The following SPAG16 variants were observed in gnomAD, a reference collection of about 807,000 sequenced individuals.
The protein encoded by SPAG16 is sperm associated antigen 16.
SPAG16 carries 86 observed loss-of-function variants against 80.4 expected under a neutral mutation model. The ratio of observed to expected loss-of-function variants is 1.07; its 90% CI spans 0.90 to 1.28. SPAG16 has a LOEUF of 1.28. Among genes scored for constraint, SPAG16 ranks in the 50% most tolerant of loss-of-function variants. The pLI is 0.00. For missense variants in SPAG16, 870 were observed against 765.3 expected, an observed-to-expected ratio of 1.14 and a Z score of -1.61; for synonymous variants, 294 against 265.9, an observed-to-expected ratio of 1.11 and a Z score of -1.03.
In SPAG16 at chr2:213,639,494, G is replaced by A. The variant is rs531229367; in HGVS notation, c.1070+149404G>A. On this transcript the variant is annotated intron_variant, in intron 10 of 15. Coordinates refer to ENST00000331683, the MANE Select transcript of SPAG16 (RefSeq NM_024532.5). ...GTGAAAAAGACTTTATCTCCCCTTC[G>A]TTTATGAAACTTAGTTTTGCTGGCA... Among the ~76,000 whole-genome samples, 7 of 152,050 alleles carry A rather than the reference G, an allele frequency of 4.6e-5. 1 individual carries two copies. The South Asian group carries it at 1.2e-3, about 27-fold the overall frequency.
chr2:213,824,443 T>G (rs2073144589), intron 10 of SPAG16, among the ~76,000 whole-genome samples: 1 of 152,228 alleles, frequency 6.6e-6, no homozygotes, highest in African/African-American at 2.4e-5. Context: ...TGGCCTAGTT[T>G]CATTGTTCTG....
At chr2:214,251,428 T>G (rs1690284501) in intron 15 of SPAG16, among the ~76,000 whole-genome samples, 1 of 152,116 alleles carries the variant, frequency 6.6e-6, no homozygotes, top group Non-Finnish European at 1.5e-5. Flanking sequence ...AAATGAATAT[T>G]TCTTAAAAAT....
At chr2:213,867,682 G>C (rs1055171118) in intron 11 of SPAG16, among the ~76,000 whole-genome samples, 4 of 151,948 alleles carry the variant, frequency 2.6e-5, no homozygotes, top group Non-Finnish European at 5.9e-5. Flanking sequence ...CAGCACTTTG[G>C]GAGGCCGAGG....
chr2:213,594,412 TCTTTATA>T (rs1559291289), intron 10 of SPAG16, among the ~76,000 whole-genome samples: 1 of 152,214 alleles, frequency 6.6e-6, no homozygotes, highest in East Asian at 1.9e-4. Context: ...TAATAGCTCC[TCTTTATA>T]CTTTAAGTTT....
chr2:213,590,924 T>C (rs922297044), intron 10 of SPAG16, among the ~76,000 whole-genome samples: 1 of 83,076 alleles, frequency 1.2e-5, no homozygotes, highest in Admixed American at 1.3e-4. Flanking sequence ...GATGGATTGG[T>C]TAAAGAAAAT....
At chr2:213,891,167 A>G (rs970275973) in intron 11 of SPAG16, among the ~76,000 whole-genome samples, 7 of 152,052 alleles carry the variant, frequency 4.6e-5, no homozygotes, top group African/African-American at 1.7e-4. Flanking sequence ...TCTGTCATTA[A>G]TGGGTCGCTA....
chr2:214,112,738 T>C (rs193015094), intron 14 of SPAG16, among the ~76,000 whole-genome samples: 1 of 151,504 alleles, frequency 6.6e-6, no homozygotes, highest in East Asian at 2.0e-4. Flanking sequence ...ATGGGTCTCC[T>C]GAATACAGCA....
chr2:213,713,350 T>A (rs2066090032), intron 10 of SPAG16, among the ~76,000 whole-genome samples: 1 of 152,112 alleles, frequency 6.6e-6, no homozygotes, highest in Non-Finnish European at 1.5e-5. Context: ...GGGAGAAGTC[T>A]TGAATAGGAC....
intron 10 of SPAG16, among the ~76,000 whole-genome samples, chr2:213,643,345 ATTTT>A (rs199696978): frequency 4.1e-4 from 19 of 46,150 alleles, no homozygotes; most frequent in Admixed American, 1.4e-3. Flanking sequence ...TTGGATCTTA[ATTTT>A]ATATATATAT....
At chr2:213,566,568 C>A (rs1173433145) in intron 10 of SPAG16, among the ~76,000 whole-genome samples, 3 of 152,136 alleles carry the variant, frequency 2.0e-5, no homozygotes, top group Non-Finnish European at 4.4e-5. Flanking sequence ...AAGTAAATTG[C>A]TATGCTTCAC....
At chr2:214,205,241 G>T (rs529764038) in intron 15 of SPAG16, among the ~76,000 whole-genome samples, 2 of 151,662 alleles carry the variant, frequency 1.3e-5, no homozygotes, top group African/African-American at 4.8e-5. Context: ...GAAAGAAGAA[G>T]AAGCTATATC....
At chr2:214,351,817 G>A (rs571098302) in intron 15 of SPAG16, among the ~76,000 whole-genome samples, 42 of 138,308 alleles carry the variant, frequency 3.0e-4, no homozygotes, top group African/African-American at 9.0e-4. Flanking sequence ...TACAATGAAC[G>A]TATATTCTAT....
At chr2:213,561,936 A>C (rs746991522) in intron 10 of SPAG16, among the ~76,000 whole-genome samples, 14 of 152,116 alleles carry the variant, frequency 9.2e-5, no homozygotes, top group Non-Finnish European at 1.9e-4. Context: ...TGTTTCTTGA[A>C]TTGCAGTTTA....
At chr2:214,214,436 C>T (rs1261013600) in intron 15 of SPAG16, among the ~76,000 whole-genome samples, 2 of 152,140 alleles carry the variant, frequency 1.3e-5, no homozygotes, top group East Asian at 3.9e-4. Flanking sequence ...TCCCAATATG[C>T]CCAGTCTTCC....
At chr2:214,137,239 A>T (rs2055103416) in intron 14 of SPAG16, among the ~76,000 whole-genome samples, 1 of 152,136 alleles carries the variant, frequency 6.6e-6, no homozygotes, top group Non-Finnish European at 1.5e-5. Flanking sequence ...GTGTATACAT[A>T]CAACATAGAC....
intron 11 of SPAG16, among the ~76,000 whole-genome samples, chr2:213,876,925 A>T (rs767722874): frequency 2.6e-4 from 39 of 152,216 alleles, no homozygotes; most frequent in Admixed American, 2.0e-4. Flanking sequence ...TTGGTCTTCA[A>T]CAATGTTAAA....
intron 10 of SPAG16, among the ~76,000 whole-genome samples, chr2:213,645,510 T>C (rs1438324950): frequency 1.3e-5 from 2 of 151,896 alleles, no homozygotes; most frequent in African/African-American, 2.4e-5. Context: ...AGGCAGTGGG[T>C]TCTTTTCTGG....
chr2:214,259,339 G>A (rs1690947119), intron 15 of SPAG16, among the ~76,000 whole-genome samples: 1 of 148,810 alleles, frequency 6.7e-6, no homozygotes, highest in Non-Finnish European at 1.5e-5. Flanking sequence ...CAGATATTTG[G>A]GCAGAAAAAA....
At chr2:214,118,581 A>C (rs1422323705) in intron 14 of SPAG16, among the ~76,000 whole-genome samples, 3 of 152,164 alleles carry the variant, frequency 2.0e-5, no homozygotes, top group Non-Finnish European at 4.4e-5. Context: ...AGTGCTGAGC[A>C]AAAGGGGGAA....
Sources: gnomAD v4.1 joint callset for allele counts (sites outside exome capture counted in the v4.1 genomes callset) on GRCh38, gnomAD v4.1.1 for gene constraint, MANE v1.5 for transcripts, NCBI Gene and HGNC (gene_info 2026-07-23, HGNC 2026-07-21) for gene names.